Variants in CDC14A observed in about 807,000 individuals in gnomAD.
CDC14A encodes cell division cycle 14A.
Under a neutral mutation model 74.4 loss-of-function variants are expected in CDC14A, and 53 were observed. The observed-to-expected ratio is 0.71, with a 90% CI of 0.57 to 0.89. CDC14A has a LOEUF of 0.89. Ranked by LOEUF, CDC14A falls within the 40% of genes least tolerant of loss-of-function variation. The pLI is 0.00. For missense variants in CDC14A, 646 were observed against 713.7 expected, an observed-to-expected ratio of 0.91 and a Z score of 1.08; for synonymous variants, 247 against 258.4, an observed-to-expected ratio of 0.96 and a Z score of 0.43.
chr1:100,456,113 A>T (rs17456480), intron 8 of CDC14A, among the ~76,000 whole-genome samples: 4,046 of 152,328 alleles, frequency 0.027, 59 homozygotes, highest in Middle Eastern at 0.041. Flanking sequence ...TTGCCACTAC[A>T]CTGATACACT....
chr1:100,461,715 A>G (rs1036996946), intron 8 of CDC14A, among the ~76,000 whole-genome samples: 5 of 152,234 alleles, frequency 3.3e-5, no homozygotes, highest in African/African-American at 1.2e-4. Flanking sequence ...TGGTGGAGCC[A>G]CTCAAAAATA....
In CDC14A at chr1:100,483,755, T is replaced by C. The variant is rs76075875; in HGVS notation, c.978-537T>C. ...TTTTCTTTTCTAAGGACAATCTAAT[T>C]GAGGATATAAGCCTTGCTTTTAGAT... On this transcript the variant is annotated intron_variant, in intron 10 of 15. Transcript: ENST00000336454. Among the ~76,000 whole-genome samples the C allele has an allele frequency of 6.5e-3, 995 of 152,292 alleles. 10 individuals are homozygous for C. The highest frequency in any genetic ancestry group is 0.023 in the African/African-American group (953 of 41,580).
chr1:100,455,159 T>C (rs1201090812), intron 7 of CDC14A, among the ~76,000 whole-genome samples: 1 of 152,166 alleles, frequency 6.6e-6, no homozygotes, highest in Non-Finnish European at 1.5e-5. Context: ...TTATGCAAAA[T>C]ACCTCTGCCG....
intron 8 of CDC14A, among the ~76,000 whole-genome samples, chr1:100,460,212 T>C (rs1667185006): frequency 6.6e-6 from 1 of 152,234 alleles, no homozygotes; most frequent in Non-Finnish European, 1.5e-5. Context: ...GTTGTTATTA[T>C]TATTTCAGTG....
intron 4 of CDC14A, among the ~76,000 whole-genome samples, chr1:100,411,741 C>T (rs553848472): frequency 1.3e-5 from 2 of 152,072 alleles, no homozygotes; most frequent in Non-Finnish European, 2.9e-5. Flanking sequence ...GGCCAGACAC[C>T]CCTTCTGAGC....
chr1:100,497,112 A>G (rs553412026), intron 13 of CDC14A, among the ~76,000 whole-genome samples: 20 of 152,368 alleles, frequency 1.3e-4, no homozygotes, highest in Admixed American at 4.6e-4. Flanking sequence ...TATAAGAGCT[A>G]TGATTTACTA....
chr1:100,444,811 G>T (rs11166454), intron 7 of CDC14A, among the ~76,000 whole-genome samples: 261 of 152,070 alleles, frequency 1.7e-3, no homozygotes, highest in African/African-American at 6.1e-3. Flanking sequence ...CAAATTCCCT[G>T]TGGATGGAAT....
At chr1:100,386,327 C>G (rs1403463314) in intron 3 of CDC14A, among the ~76,000 whole-genome samples, 1 of 151,992 alleles carries the variant, frequency 6.6e-6, no homozygotes, top group Non-Finnish European at 1.5e-5. Context: ...TTTCTGTGAC[C>G]CTCTCTATTT....
At chr1:100,480,117 A>G (rs530761468) in intron 10 of CDC14A, among the ~76,000 whole-genome samples, 1 of 152,324 alleles carries the variant, frequency 6.6e-6, no homozygotes, top group East Asian at 1.9e-4. Context: ...TTCCAAACAG[A>G]AACTTTGTAC....
intron 3 of CDC14A, among the ~76,000 whole-genome samples, chr1:100,381,620 G>C (rs749539199): frequency 1.3e-5 from 2 of 152,042 alleles, no homozygotes; most frequent in African/African-American, 4.8e-5. Context: ...TCCAGTTGAT[G>C]ATTTGAGTTG....
intron 15 of CDC14A, among the ~76,000 whole-genome samples, chr1:100,516,793 G>A (rs1650274656): frequency 6.6e-6 from 1 of 152,010 alleles, no homozygotes. Context: ...TCTTTTATTC[G>A]CACTGTGGGT....
rs563320420 is a variant in CDC14A, at chr1:100,345,519, G to A, written c.-126+336G>A. On this transcript the variant is annotated intron_variant, in intron 1 of 14. Transcript: ENST00000635056. The stretch of plus-strand genomic sequence containing the variant: ...AATAATGCATACAGTTGGTGGGAGA[G>A]AGATACCTGAAAACCAGGCTTCTGA... Among the ~76,000 whole-genome samples the A allele has an allele frequency of 5.3e-5, 8 of 152,190 alleles. 1 individual carries two copies. The South Asian group carries it at 1.7e-3, about 32-fold the overall frequency.
intron 1 of CDC14A, 51 bp from the exon 2 acceptor site, chr1:100,353,711 C>A: frequency 1.1e-6 from 1 of 940,780 alleles, no homozygotes; most frequent in Non-Finnish European, 1.7e-6. Context: ...CCTTCACTTC[C>A]ACTTCTCTAC....
chr1:100,503,724 C>T (rs1648983815), intron 15 of CDC14A, among the ~76,000 whole-genome samples: 1 of 152,146 alleles, frequency 6.6e-6, no homozygotes, highest in African/African-American at 2.4e-5. Flanking sequence ...GACCCACTTA[C>T]TGTAAAAAAT....
chr1:100,371,337 A>G (rs1410835684), intron 2 of CDC14A, among the ~76,000 whole-genome samples: 1 of 152,116 alleles, frequency 6.6e-6, no homozygotes, highest in Non-Finnish European at 1.5e-5. Context: ...TACTGTGTTA[A>G]ATAGGAGTGG....
chr1:100,429,698 A>G (rs1663407849), intron 5 of CDC14A, among the ~76,000 whole-genome samples: 1 of 144,136 alleles, frequency 6.9e-6, no homozygotes, highest in Non-Finnish European at 1.5e-5. Flanking sequence ...ATATATATAT[A>G]TATATCAAGT....
intron 4 of CDC14A, chr1:100,394,048 C>A: frequency 4.1e-6 from 1 of 243,222 alleles, no homozygotes. Flanking sequence ...CAGGTTTGCC[C>A]TACTCTTCTC....
intron 3 of CDC14A, among the ~76,000 whole-genome samples, chr1:100,387,155 A>C (rs997245957): frequency 4.6e-5 from 7 of 152,192 alleles, no homozygotes; most frequent in Non-Finnish European, 8.8e-5. Flanking sequence ...ACTGTGGGCC[A>C]GGATGACCAT....
Position 100,456,937 on chromosome 1 carries a change from ATAAT to A in CDC14A, c.607+1449_607+1452del, listed in dbSNP as rs146149392. Among the ~76,000 whole-genome samples, 47 of 152,334 alleles carry A rather than the reference ATAAT, an allele frequency of 3.1e-4. No homozygotes were observed. The East Asian group carries it at 8.9e-3, about 29-fold the overall frequency. On this transcript the variant is annotated intron_variant, in intron 8 of 15. Coordinates refer to ENST00000336454, the MANE Select transcript of CDC14A (RefSeq NM_003672.4). ...TAATCTTTTTTGGTCTGGACATTCA[ATAAT>A]TAACCTCTGTCATTTTGGGTTGTTA...
Sources: allele counts gnomAD v4.1 joint callset (sites outside exome capture counted in the v4.1 genomes callset), GRCh38; gene constraint gnomAD v4.1.1; transcripts MANE v1.5; gene names NCBI Gene and HGNC (gene_info 2026-07-23, HGNC 2026-07-21).